Variants in UNC93B1 observed in about 807,000 individuals in gnomAD.
UNC93B1 encodes the protein unc-93B1 regulator of TLR signaling, also known as protein unc-93 homolog B1.
In UNC93B1, 33 loss-of-function variants were observed where a neutral mutation model predicts 56.8. The ratio of observed to expected loss-of-function variants is 0.58; its 90% CI spans 0.44 to 0.78. The LOEUF is 0.78. UNC93B1 is among the 30% of genes least tolerant of loss of function. The pLI, the probability that UNC93B1 is intolerant of heterozygous loss-of-function variation, is 0.00. For synonymous variants in UNC93B1, 334 were observed against 358.6 expected, an observed-to-expected ratio of 0.93 and a Z score of 0.77; for missense variants, 673 against 819.5, an observed-to-expected ratio of 0.82 and a Z score of 2.18.
Position 67,997,726 on chromosome 11 carries a change from G to A in UNC93B1, c.855C>T (p.Leu285=), listed in dbSNP as rs990526991. ...CCATGAGCACGCTCTCCACCACAATGAGGTTTCCGCTCCGCGGGAGCGTCC... is the reference window on the plus strand; with the variant it reads ...CCATGAGCACGCTCTCCACCACAATAAGGTTTCCGCTCCGCGGGAGCGTCC... ...VLRTLPRSGN[L]IVVESVLMAV... Residue 285 remains leucine (L), a synonymous_variant, in exon 7 of 11, where the codon CTC becomes CTT. Coordinates refer to ENST00000227471, the MANE Select transcript of UNC93B1 (RefSeq NM_030930.4). 2.5e-6 allele frequency: 4 copies of A among 1,609,498 alleles called. No homozygotes were observed. In the South Asian group the frequency reaches 4.4e-5, roughly 18 times the overall value.
Position 68,003,637 on chromosome 11 carries a change from G to C in UNC93B1, c.238+20C>G. On this transcript the variant is annotated intron_variant, in intron 2 of 10. Transcript: ENST00000227471. This position sits in a 1 kb window ranked among gnomAD's most constrained non-coding sequence, Gnocchi z 4.4. ...GCTGGGAGCGGGCGGGGCGGCCCCG[G>C]GTCCCCGAGCGGCACCTACCCAGGT... 6.6e-7 allele frequency: 1 copy of C among 1,511,734 alleles called. No individual in the cohort carries two copies. The highest frequency in any genetic ancestry group is 8.8e-7 in the Non-Finnish European group (1 of 1,135,918). 93.6% of individuals were successfully genotyped at this position (1,511,734 alleles called of 1,614,324 possible).
At chr11:67,996,914 C>G (rs984340774) in intron 7 of UNC93B1, 130 bp from the exon 8 acceptor site, 11 of 1,188,450 alleles carry the variant, frequency 9.3e-6, no homozygotes, top group Middle Eastern at 3.0e-4. Context: ...AAACCAGGGC[C>G]CCGCCCCTGA....
rs140193501 is a variant in UNC93B1 at position 68,003,428 on chromosome 11, G to A, written c.238+229C>T. On this transcript the variant is annotated intron_variant, in intron 2 of 10. Coordinates refer to ENST00000227471, the MANE Select transcript of UNC93B1 (RefSeq NM_030930.4). This position sits in a 1 kb window ranked among gnomAD's most constrained non-coding sequence, Gnocchi z 4.4. Reference sequence around the variant, plus strand: ...AATTCTGACGGTGGCAGGTCTGTCCGGGAGCCCGGACCCCCGTCCCCCACC... The same window carrying A: ...AATTCTGACGGTGGCAGGTCTGTCCAGGAGCCCGGACCCCCGTCCCCCACC... The A allele has an allele frequency of 2.1e-3, 1,760 of 820,642 alleles. 23 individuals are homozygous for A. The African/African-American group carries it at 0.027, about 13-fold the overall frequency. 50.8% of individuals were successfully genotyped at this position (820,642 alleles called of 1,614,324 possible).
Position 68,004,002 on chromosome 11 carries a change from C to T in UNC93B1, c.42G>A (p.Ala14=), listed in dbSNP as rs774907876. The change falls in exon 1 of 11, where the codon GCG becomes GCA. Residue 14 remains alanine, a synonymous_variant. Transcript: ENST00000227471. Reference sequence around the variant, plus strand: ...GCAGGTCCTCGTCGCCCTGCGGCCCCGCAGCCCCCGCCATCGGGTAGAGCG... The same window carrying T: ...GCAGGTCCTCGTCGCCCTGCGGCCCTGCAGCCCCCGCCATCGGGTAGAGCG... ...EPPLYPMAGA[A]GPQGDEDLLG... 5.7e-6 allele frequency: 8 copies of T among 1,403,556 alleles called. No individual in the cohort carries two copies. The highest frequency in any genetic ancestry group is 7.4e-6 in the Non-Finnish European group (8 of 1,075,960). The allele number at this position is 1,403,556 out of a possible 1,614,324, so 86.9% of individuals were successfully genotyped here.
chr11:67,997,252 C>T (rs1210867032), intron 7 of UNC93B1, among the ~76,000 whole-genome samples: 1 of 31,526 alleles, frequency 3.2e-5, no homozygotes, highest in African/African-American at 1.6e-4. Context: ...CCAGCTCCAT[C>T]GCCAGGCTGC....
intron 3 of UNC93B1, 64 bp downstream of exon 3, chr11:68,002,958 G>T: frequency 6.6e-7 from 1 of 1,511,530 alleles, no homozygotes; most frequent in Non-Finnish European, 8.9e-7. Flanking sequence ...CTCCTGGCCC[G>T]CCGGCCTCTG....
Position 67,995,814 on chromosome 11 carries a change from G to T in UNC93B1, c.1160C>A (p.Ser387Ter). 1 of 1,546,372 alleles carries T rather than the reference G, an allele frequency of 6.5e-7. No homozygotes were observed. The highest frequency in any genetic ancestry group is 8.7e-7 in the Non-Finnish European group (1 of 1,146,242). Reference sequence around the variant, plus strand: ...CAGCAGGCCCAGGAGTGAGGCGGCTGAGGCGCCCAGGCTGTAAGCCACGAG... The same window carrying T: ...CAGCAGGCCCAGGAGTGAGGCGGCTTAGGCGCCCAGGCTGTAAGCCACGAG... ...YLLVAYSLGA[S>*]AASLLGLLGL... is the part of the protein sequence containing the mutation. The change falls in exon 9 of 11, where the codon TCA becomes TAA. Residue 387 changes from serine (S) to a stop codon, truncating the protein, a stop_gained. Coordinates refer to ENST00000227471, the MANE Select transcript of UNC93B1 (RefSeq NM_030930.4). LOFTEE classifies it high-confidence loss of function.
At position 68,003,275 on chromosome 11, in the gene UNC93B1, G is replaced by GA; in HGVS notation, c.239-101dup. Reference sequence around the variant, plus strand: ...GGCCTCGCAGGGAGCTCCAATCACCGAAGGCATTCCCGCTGACAGCGCCCC... The same window carrying GA: ...GGCCTCGCAGGGAGCTCCAATCACCGAAAGGCATTCCCGCTGACAGCGCCCC... On this transcript the variant is annotated intron_variant, in intron 2 of 10. Transcript: ENST00000227471. The surrounding 1 kb of genome is among the most constrained non-coding windows in gnomAD (Gnocchi z 4.4). 1.5e-6 allele frequency: 2 copies of GA among 1,329,862 alleles called. No homozygotes were observed. The highest frequency in any genetic ancestry group is 2.0e-6 in the Non-Finnish European group (2 of 1,005,648). The allele number at this position is 1,329,862 out of a possible 1,614,324, so 82.4% of individuals were successfully genotyped here.
chr11:67,996,825 G>A (rs377212780), intron 7 of UNC93B1, 41 bp from the exon 8 acceptor site: 3 of 1,488,042 alleles, frequency 2.0e-6, no homozygotes, highest in Admixed American at 2.2e-5. Context: ...GCCAGGCCCA[G>A]GCCTGGCCTC....
intron 7 of UNC93B1, chr11:67,997,449 G>A (rs1856967292): frequency 3.0e-6 from 2 of 672,132 alleles, no homozygotes; most frequent in Non-Finnish European, 4.8e-6. Context: ...GGATGCCCAC[G>A]CCTGCCTCGG....
At position 67,991,693 on chromosome 11, in the gene UNC93B1, C is replaced by T. The variant is rs1372132126; in HGVS notation, c.1647G>A (p.Glu549=). 1 of 1,532,512 alleles carries T rather than the reference C, an allele frequency of 6.5e-7. No individual in the cohort carries two copies. The highest frequency in any genetic ancestry group is 8.7e-7 in the Non-Finnish European group (1 of 1,145,908). The allele number at this position is 1,532,512 out of a possible 1,614,324, so 94.9% of individuals were successfully genotyped here. ...YRYLEEDNSD[E]SDAEGEHGDG... ...CCCCATGCTCGCCCTCCGCGTCGCT[C>T]TCGTCCGAGTTGTCCTCCTCCAAGT... The change falls in exon 11 of 11, where the codon GAG becomes GAA. Residue 549 remains glutamate (E), a synonymous_variant. Transcript: ENST00000227471.
chr11:67,996,827 C>G (rs1455921856), intron 7 of UNC93B1, 43 bp from the exon 8 acceptor site: 2 of 1,486,740 alleles, frequency 1.3e-6, no homozygotes, highest in East Asian at 2.5e-5. Flanking sequence ...CAGGCCCAGG[C>G]CTGGCCTCCA....
In UNC93B1 at chr11:68,003,648, G is replaced by T. The variant is rs1054185641; in HGVS notation, c.238+9C>A. ...GCGGGGCGGCCCCGGGTCCCCGAGC[G>T]GCACCTACCCAGGTAGACGCCGTAG... On this transcript the variant is annotated intron_variant, in intron 2 of 10. Transcript: ENST00000227471. This position sits in a 1 kb window ranked among gnomAD's most constrained non-coding sequence, Gnocchi z 4.4. 1.3e-6 allele frequency: 2 copies of T among 1,516,094 alleles called. No individual in the cohort carries two copies. The highest frequency in any genetic ancestry group is 2.0e-5 in the Admixed American group (1 of 49,478). The allele number at this position is 1,516,094 out of a possible 1,614,324, so 93.9% of individuals were successfully genotyped here. A position where few individuals can be genotyped will look rare whatever the true frequency, so the allele number is the denominator to read the frequency against.
chr11:67,995,270 C>A (rs1856919057), intron 9 of UNC93B1, among the ~76,000 whole-genome samples: 1 of 152,116 alleles, frequency 6.6e-6, no homozygotes, highest in Admixed American at 6.5e-5. Context: ...CCCACACCTG[C>A]CCCATGTAGC....
At chr11:68,002,185 T>TACACACACACACACACACAC (rs60629377) in intron 3 of UNC93B1, among the ~76,000 whole-genome samples, 1 of 140,716 alleles carries the variant, frequency 7.1e-6, no homozygotes, top group East Asian at 2.1e-4. Flanking sequence ...CCCGCTTGCA[T>TACACACACACACACACACAC]ACACACACAC....
In UNC93B1 at chr11:68,003,371, A is replaced by G. The variant is rs1857078403; in HGVS notation, c.239-196T>C. On this transcript the variant is annotated intron_variant, in intron 2 of 10. Transcript: ENST00000227471. This position sits in a 1 kb window ranked among gnomAD's most constrained non-coding sequence, Gnocchi z 4.4. ...CGCGGCCACTTGGCCAGCTAAGCCC[A>G]GACCCCCACCCGCCTTGCTCCGCCG... 17 of 855,644 alleles carry G rather than the reference A, an allele frequency of 2.0e-5. No homozygotes were observed. Among genetic ancestry groups the G allele is most frequent in the Admixed American group, 3.2e-5 (1 of 30,942 alleles). The allele number at this position is 855,644 out of a possible 1,614,324, so 53.0% of individuals were successfully genotyped here.
Position 68,003,828 on chromosome 11 carries a change from C to G in UNC93B1, c.97-30G>C. On this transcript the variant is annotated intron_variant, in intron 1 of 10. Transcript: ENST00000227471. This position sits in a 1 kb window ranked among gnomAD's most constrained non-coding sequence, Gnocchi z 4.4. The stretch of plus-strand genomic sequence containing the variant: ...GAGCCACGCACGCCGCTCGCACCCG[C>G]GATCGCGCCCCGAACCCGTGTCCCC... 2 of 1,448,860 alleles carry G rather than the reference C, an allele frequency of 1.4e-6. No homozygotes were observed. Among genetic ancestry groups the G allele is most frequent in the South Asian group, 2.7e-5 (2 of 74,402 alleles). The allele number at this position is 1,448,860 out of a possible 1,614,324, so 89.8% of individuals were successfully genotyped here.
intron 10 of UNC93B1, among the ~76,000 whole-genome samples, chr11:67,992,399 G>T (rs1206001324): frequency 1.3e-5 from 2 of 148,936 alleles, no homozygotes; most frequent in Admixed American, 1.3e-4. Flanking sequence ...CTGCTGGAGC[G>T]CAGTGGCACG....
chr11:68,003,005 G>A lies in UNC93B1; in HGVS notation c.392+17C>T, dbSNP rs1217058381. The A allele has an allele frequency of 6.3e-7, 1 of 1,599,892 alleles. No homozygotes were observed. The highest frequency in any genetic ancestry group is 2.3e-5 in the East Asian group (1 of 43,880). Reference sequence around the variant, plus strand: ...AATGGGAGTACCGCAGCATCCCACAGGAGCAGCCGCGCCCACCTGATGAGC... The same window carrying A: ...AATGGGAGTACCGCAGCATCCCACAAGAGCAGCCGCGCCCACCTGATGAGC... On this transcript the variant is annotated intron_variant, in intron 3 of 10. Coordinates refer to ENST00000227471, the MANE Select transcript of UNC93B1 (RefSeq NM_030930.4). The surrounding 1 kb of genome is among the most constrained non-coding windows in gnomAD (Gnocchi z 4.4).
Sources: allele counts gnomAD v4.1 joint callset (sites outside exome capture counted in the v4.1 genomes callset), GRCh38; gene constraint gnomAD v4.1.1; non-coding constraint Gnocchi (gnomAD v3.1); transcripts MANE v1.5; gene names NCBI Gene and HGNC (gene_info 2026-07-23, HGNC 2026-07-21).